Variants in PRKDC observed in about 807,000 individuals in gnomAD.
PRKDC encodes protein kinase, DNA-activated, catalytic subunit.
In PRKDC, 82 loss-of-function variants were observed where a neutral mutation model predicts 486.9. The ratio of observed to expected loss-of-function variants is 0.17; its 90% CI spans 0.14 to 0.20. PRKDC has a LOEUF of 0.20. Among genes scored for constraint, PRKDC ranks in the 10% least tolerant of loss-of-function variants. PRKDC has a pLI of 1.00. For synonymous variants in PRKDC, 1,895 were observed against 1,837.0 expected (o/e 1.03, Z -0.81); for missense variants, 4,504 against 5,038.2 (o/e 0.89, Z 3.21).
At position 47,820,664 on chromosome 8, in the gene PRKDC, AAT is replaced by A. The variant is rs377392602; in HGVS notation, c.9336+53_9336+54del. On this transcript the variant is annotated intron_variant, in intron 66 of 85. Coordinates refer to ENST00000314191, the MANE Select transcript of PRKDC (RefSeq NM_006904.7). Reference sequence around the variant, plus strand: ...TATATTTCAGATAGATCCACATTATAATATATATATACACTATATATATACAA... The same window carrying A: ...TATATTTCAGATAGATCCACATTATAATATATATACACTATATATATACAA... 3.0e-3 allele frequency: 2,619 copies of A among 869,216 alleles called. 15 individuals are homozygous for A. The highest frequency in any genetic ancestry group is 0.026 in the South Asian group (517 of 19,724). The allele number at this position is 869,216 out of a possible 1,614,324, so 53.8% of individuals were successfully genotyped here.
At chr8:47,849,789 T>C (rs1347485386) in intron 52 of PRKDC, among the ~76,000 whole-genome samples, 1 of 151,462 alleles carries the variant, frequency 6.6e-6, no homozygotes, top group Non-Finnish European at 1.5e-5. Context: ...AGATGTCAGA[T>C]CAATGAAGAT....
chr8:47,783,614 A>G (rs1589692588), intron 78 of PRKDC, 128 bp downstream of exon 78: 1 of 910,194 alleles, frequency 1.1e-6, no homozygotes, highest in East Asian at 2.7e-5. Flanking sequence ...GAATTCAGTA[A>G]ATATGCTAAA....
chr8:47,851,898 A>G (rs1457719632), intron 52 of PRKDC, among the ~76,000 whole-genome samples: 1 of 152,174 alleles, frequency 6.6e-6, no homozygotes, highest in East Asian at 1.9e-4. Flanking sequence ...TATCCCAGTG[A>G]TGAACCTGAA....
At chr8:47,897,423 A>G (rs2089600812) in intron 29 of PRKDC, 129 bp from the exon 30 acceptor site, 1 of 919,398 alleles carries the variant, frequency 1.1e-6, no homozygotes, top group African/African-American at 1.6e-5. Flanking sequence ...AAGGCATTCG[A>G]CTTATTTTTA....
chr8:47,886,538 C>T (rs1030038473), intron 35 of PRKDC, among the ~76,000 whole-genome samples: 2 of 151,954 alleles, frequency 1.3e-5, no homozygotes, highest in Non-Finnish European at 2.9e-5. Context: ...ATTACAAGTG[C>T]GTTCTACCAC....
intron 47 of PRKDC, 98 bp from the exon 48 acceptor site, chr8:47,858,733 A>G: frequency 6.9e-7 from 1 of 1,459,248 alleles, no homozygotes; most frequent in East Asian, 2.5e-5. Context: ...ACATGAACAA[A>G]AAAAAATCAC....
chr8:47,881,294 T>C, intron 38 of PRKDC, 122 bp downstream of exon 38: 1 of 639,954 alleles, frequency 1.6e-6, no homozygotes, highest in South Asian at 2.0e-5. Context: ...ATTACTGTGC[T>C]AGTCTCCCTA....
rs775402841 is a variant in PRKDC, at chr8:47,857,260, G to A, written c.6505C>T (p.Leu2169=). 46 of 1,613,826 alleles carry A rather than the reference G, an allele frequency of 2.9e-5. No individual in the cohort carries two copies. Among genetic ancestry groups the A allele is most frequent in the Non-Finnish European group, 3.9e-5 (46 of 1,179,822 alleles). The change falls in exon 49 of 86, where the codon CTG becomes TTG. Residue 2169 remains leucine, a synonymous_variant. Coordinates refer to ENST00000314191, the MANE Select transcript of PRKDC (RefSeq NM_006904.7). ...PYAKHWLSPL[L]QLAASENNGG... ...TTGTTTTCAGAAGCAGCCAGCTGCA[G>A]CAAGGGGCTAAGCCAGTGCTTCGCG...
intron 35 of PRKDC, 63 bp downstream of exon 35, chr8:47,887,484 C>T: frequency 1.4e-6 from 2 of 1,389,624 alleles, no homozygotes; most frequent in Non-Finnish European, 1.9e-6. Flanking sequence ...CTAGAGACAC[C>T]TGCAAGTGAC....
At position 47,849,032 on chromosome 8, in the gene PRKDC, T is replaced by C. The variant is rs1299192417; in HGVS notation, c.7280+122A>G. ...GGTGCCTTCACCTTTTCTTCAGAGA[T>C]TCCAACTTCACAAATGTGTATATCA... On this transcript the variant is annotated intron_variant, in intron 54 of 85. Coordinates refer to ENST00000314191, the MANE Select transcript of PRKDC (RefSeq NM_006904.7). 7.0e-6 allele frequency: 9 copies of C among 1,291,286 alleles called. No homozygotes were observed. In the South Asian group the frequency reaches 1.2e-4, roughly 17 times the overall value. The allele number at this position is 1,291,286 out of a possible 1,614,324, so 80.0% of individuals were successfully genotyped here.
chr8:47,818,253 G>GA (rs1204122912), intron 67 of PRKDC, among the ~76,000 whole-genome samples: 1 of 152,086 alleles, frequency 6.6e-6, no homozygotes, highest in East Asian at 1.9e-4. Flanking sequence ...AAAATGAGGA[G>GA]AAAAAAATCC....
chr8:47,928,103 C>A (rs572532753), intron 19 of PRKDC, among the ~76,000 whole-genome samples: 1 of 151,436 alleles, frequency 6.6e-6, no homozygotes, highest in South Asian at 2.1e-4. Context: ...GAATCTATTT[C>A]ATCTTGAGTT....
chr8:47,858,190 C>G (rs571847158), intron 48 of PRKDC, among the ~76,000 whole-genome samples: 34 of 151,864 alleles, frequency 2.2e-4, no homozygotes, highest in South Asian at 2.1e-4. Flanking sequence ...CCCGCTCCAC[C>G]CCCCGCTTTT....
intron 28 of PRKDC, among the ~76,000 whole-genome samples, chr8:47,898,843 C>T (rs1402416901): frequency 6.6e-6 from 1 of 152,240 alleles, no homozygotes; most frequent in Non-Finnish European, 1.5e-5. Flanking sequence ...CCATACCTAA[C>T]TAGAAACTGT....
At chr8:47,855,198 T>C (rs767199972) in intron 50 of PRKDC, 24 bp downstream of exon 50, 8 of 1,556,240 alleles carry the variant, frequency 5.1e-6, no homozygotes, top group Non-Finnish European at 6.1e-6. Flanking sequence ...TTCTAAACAA[T>C]ACTGCAAAAA....
chr8:47,830,592 G>T lies in PRKDC; in HGVS notation c.8397+13C>A. ...TTAACCTGTCAACAGAAAACGCAGC[G>T]GCAAAAACTGACCTGGGCCACGGCC... is the stretch of plus-strand genomic sequence containing the variant. On this transcript the variant is annotated intron_variant, in intron 61 of 85. Transcript: ENST00000314191. 1 of 1,611,954 alleles carries T rather than the reference G, an allele frequency of 6.2e-7. No individual in the cohort carries two copies.
intron 54 of PRKDC, 124 bp downstream of exon 54, chr8:47,849,030 G>A (rs1198228662): frequency 7.9e-7 from 1 of 1,270,342 alleles, no homozygotes; most frequent in Non-Finnish European, 1.1e-6. Flanking sequence ...TTTCTTCAGA[G>A]ATTCCAACTT....
At chr8:47,925,660 A>G (rs1047908737) in intron 21 of PRKDC, among the ~76,000 whole-genome samples, 1 of 152,250 alleles carries the variant, frequency 6.6e-6, no homozygotes. Context: ...AGTTACGTAA[A>G]AGAATGTCCT....
chr8:47,844,468 C>CA (rs2088221056), intron 54 of PRKDC, among the ~76,000 whole-genome samples: 1 of 152,142 alleles, frequency 6.6e-6, no homozygotes, highest in South Asian at 2.1e-4. Flanking sequence ...ACTCTACTGA[C>CA]AGTGTTAGAT....
Sources: gnomAD v4.1 joint callset for allele counts (sites outside exome capture counted in the v4.1 genomes callset) on GRCh38, gnomAD v4.1.1 for gene constraint, MANE v1.5 for transcripts, NCBI Gene and HGNC (gene_info 2026-07-23, HGNC 2026-07-21) for gene names.